The following RBFOX3 variants were observed in gnomAD, a reference collection of about 807,000 sequenced individuals.
RBFOX3 encodes RNA binding fox-1 homolog 3, also known as RNA binding protein fox-1 homolog 3.
A neutral mutation model predicts 48.7 loss-of-function variants in RBFOX3; 17 were observed. The ratio of observed to expected loss-of-function variants is 0.35; its 90% CI spans 0.24 to 0.52. The LOEUF (loss-of-function observed/expected upper bound fraction) is 0.52, where lower values mean the gene tolerates loss of function less well. RBFOX3 is among the 20% of genes least tolerant of loss of function. The probability of loss-of-function intolerance (pLI) is 0.94; values close to 1 mark genes in which losing one functional copy is unlikely to be tolerated. For synonymous variants in RBFOX3, 212 were observed against 209.5 expected, an observed-to-expected ratio of 1.01 and a Z score of -0.10; for missense variants, 382 against 497.5, an observed-to-expected ratio of 0.77 and a Z score of 2.21.
rs140535589 is a variant in RBFOX3 at position 79,444,392 on chromosome 17, G to A, written c.-175+38062C>T. Among the ~76,000 whole-genome samples, 494 of 152,126 alleles carry A rather than the reference G, an allele frequency of 3.2e-3. 1 individual carries two copies. The highest frequency in any genetic ancestry group is 5.3e-3 in the Non-Finnish European group (360 of 67,982). ...TGGAAGCAGCTGGGCATGCATCACC[G>A]AAGACCAGCCGGGGGAAGAAACCTG... is the stretch of plus-strand genomic sequence containing the variant. On this transcript the variant is annotated intron_variant, in intron 2 of 14. Transcript: ENST00000693108.
At chr17:79,607,470 C>T (rs1172456865) in intron 1 of RBFOX3, among the ~76,000 whole-genome samples, 1 of 152,196 alleles carries the variant, frequency 6.6e-6, no homozygotes, top group Non-Finnish European at 1.5e-5. Context: ...GCGTTCAGCA[C>T]TGTGGCTCTG....
At chr17:79,415,579 G>A (rs2065210885) in intron 2 of RBFOX3, among the ~76,000 whole-genome samples, 1 of 152,128 alleles carries the variant, frequency 6.6e-6, no homozygotes, top group African/African-American at 2.4e-5. Flanking sequence ...GCTTTCCAAA[G>A]CCACTCTGCC....
intron 4 of RBFOX3, among the ~76,000 whole-genome samples, chr17:79,226,716 A>G (rs1359914489): frequency 6.6e-6 from 1 of 152,202 alleles, no homozygotes; most frequent in Non-Finnish European, 1.5e-5. Context: ...GGCAACATCT[A>G]CCTTCCTGGG....
At chr17:79,344,247 A>G (rs995488181) in intron 2 of RBFOX3, among the ~76,000 whole-genome samples, 2 of 152,122 alleles carry the variant, frequency 1.3e-5, no homozygotes, top group African/African-American at 2.4e-5. Flanking sequence ...ATGCAAATAT[A>G]TCTTCCAAAA....
intron 2 of RBFOX3, among the ~76,000 whole-genome samples, chr17:79,431,359 G>C (rs148074214): frequency 9.0e-4 from 137 of 152,236 alleles, no homozygotes; most frequent in Admixed American, 5.2e-3. Flanking sequence ...TGTCCCCAAG[G>C]CTTGAGTGCA....
intron 2 of RBFOX3, among the ~76,000 whole-genome samples, chr17:79,336,981 A>G (rs2081294002): frequency 6.6e-6 from 1 of 152,090 alleles, no homozygotes; most frequent in African/African-American, 2.4e-5. Context: ...TTAGCTGGGC[A>G]TGGTAGTGCA....
At chr17:79,173,698 G>A (rs2049886813) in intron 4 of RBFOX3, among the ~76,000 whole-genome samples, 1 of 152,166 alleles carries the variant, frequency 6.6e-6, no homozygotes, top group African/African-American at 2.4e-5. Flanking sequence ...CAGGGGGCCT[G>A]GGAGGAAAAT....
At chr17:79,540,400 C>G (rs768608090) in intron 1 of RBFOX3, among the ~76,000 whole-genome samples, 1 of 152,222 alleles carries the variant, frequency 6.6e-6, no homozygotes, top group African/African-American at 2.4e-5. Context: ...GCGGAGGCCC[C>G]GGCACACAGT....
At position 79,299,525 on chromosome 17, in the gene RBFOX3, G is replaced by C. The variant is rs1224160303; in HGVS notation, c.-74+8199C>G. Among the ~76,000 whole-genome samples the C allele has an allele frequency of 6.6e-6, 1 of 152,232 alleles. No individual in the cohort carries two copies. The highest frequency in any genetic ancestry group is 1.5e-5 in the Non-Finnish European group (1 of 68,048). On this transcript the variant is annotated intron_variant, in intron 3 of 14. Transcript: ENST00000693108. The surrounding 1 kb of genome is among the most constrained non-coding windows in gnomAD (Gnocchi z 4.5). The stretch of plus-strand genomic sequence containing the variant: ...ATGAGGCCTTGTGCGTCACCTAGAG[G>C]TGATCTCCAGGGTACTGGAGGATGC...
At chr17:79,541,897 C>T (rs2089749213) in intron 1 of RBFOX3, among the ~76,000 whole-genome samples, 1 of 152,102 alleles carries the variant, frequency 6.6e-6, no homozygotes, top group South Asian at 2.1e-4. Flanking sequence ...ACACCTCCTG[C>T]CGATGTCACC....
At chr17:79,409,727 GTA>G (rs959832012) in intron 2 of RBFOX3, among the ~76,000 whole-genome samples, 22 of 152,304 alleles carry the variant, frequency 1.4e-4, no homozygotes, top group African/African-American at 4.6e-4. Flanking sequence ...TGGGGTCCCC[GTA>G]TTCCCACAGA....
chr17:79,623,823 T>TA, the RBFOX3 span, among the ~76,000 whole-genome samples: 3,923 of 105,962 alleles, frequency 0.037, 198 homozygotes, highest in African/African-American at 0.12. Context: ...ACTCTGTCTC[T>TA]AAAAAAAAAA....
At chr17:79,393,561 TCA>T (rs1485494263) in intron 2 of RBFOX3, among the ~76,000 whole-genome samples, 1 of 152,220 alleles carries the variant, frequency 6.6e-6, no homozygotes, top group Non-Finnish European at 1.5e-5. Context: ...GAGCGGGTCA[TCA>T]CACACATCGG....
intron 1 of RBFOX3, among the ~76,000 whole-genome samples, chr17:79,529,140 C>T (rs961691632): frequency 0.12 from 17,997 of 152,174 alleles, 3,012 homozygotes; most frequent in African/African-American, 0.38. Context: ...AAGCTGCATT[C>T]CCCTGGTGAA....
intron 4 of RBFOX3, among the ~76,000 whole-genome samples, chr17:79,125,027 T>TGGGG (rs541668228): frequency 3.8e-4 from 58 of 152,318 alleles, no homozygotes; most frequent in Admixed American, 4.6e-4. Context: ...TCGCCAGTTC[T>TGGGG]GGGGTCCTGT....
At chr17:79,179,895 G>A (rs987843785) in intron 4 of RBFOX3, among the ~76,000 whole-genome samples, 2 of 152,202 alleles carry the variant, frequency 1.3e-5, no homozygotes, top group Non-Finnish European at 2.9e-5. Flanking sequence ...CAGATGTTGG[G>A]GGACCACGGC....
chr17:79,662,563 T>A, the RBFOX3 span, among the ~76,000 whole-genome samples: 1 of 152,154 alleles, frequency 6.6e-6, no homozygotes, highest in Non-Finnish European at 1.5e-5. Context: ...CTTGTGCTGG[T>A]TCCATGCCTG....
chr17:79,570,021 T>TA lies in RBFOX3; in HGVS notation c.-320+40804dup, dbSNP rs1343837430. Reference sequence around the variant, plus strand: ...GGATAGATGAGTTATAGATGGATGGTATATGAACAGATGAATTATGGATGG... The same window carrying TA: ...GGATAGATGAGTTATAGATGGATGGTAATATGAACAGATGAATTATGGATGG... On this transcript the variant is annotated intron_variant, in intron 1 of 14. Coordinates refer to ENST00000693108, the MANE Select transcript of RBFOX3 (RefSeq NM_001350451.2). Among the ~76,000 whole-genome samples, 52 of 150,554 alleles carry TA rather than the reference T, an allele frequency of 3.5e-4. 1 individual carries two copies. The highest frequency in any genetic ancestry group is 1.3e-3 in the African/African-American group (52 of 40,862).
At chr17:79,533,623 G>C (rs1473466937) in intron 1 of RBFOX3, among the ~76,000 whole-genome samples, 1 of 152,234 alleles carries the variant, frequency 6.6e-6, no homozygotes, top group Non-Finnish European at 1.5e-5. Flanking sequence ...CCCCGCGATG[G>C]GGAAGGGGAA....
Sources: gnomAD v4.1 joint callset for allele counts (sites outside exome capture counted in the v4.1 genomes callset) on GRCh38, gnomAD v4.1.1 for gene constraint, Gnocchi (gnomAD v3.1) non-coding constraint, MANE v1.5 for transcripts, NCBI Gene and HGNC (gene_info 2026-07-23, HGNC 2026-07-21) for gene names.